PLEC: variants seen among roughly 807,000 people sequenced by gnomAD.
The protein encoded by PLEC is hemidesmosomal protein 1.
Under a neutral mutation model 392.8 loss-of-function variants are expected in PLEC, and 216 were observed. That is an observed-to-expected ratio of 0.55 (90% CI 0.49 to 0.62). The LOEUF (loss-of-function observed/expected upper bound fraction) is 0.62. PLEC is among the 20% of genes least tolerant of loss of function. PLEC has a pLI of 0.00. For synonymous variants in PLEC, 3,621 were observed against 2,980.6 expected (o/e 1.21, Z -7.00); for missense variants, 6,863 against 6,563.4 (o/e 1.05, Z -1.58).
At chr8:143,942,719 C>T (rs1346635428), upstream of PLEC, among the ~76,000 whole-genome samples, 1 of 152,244 alleles carries the variant, frequency 6.6e-6, no homozygotes, top group Non-Finnish European at 1.5e-5. Context: ...CCCAGCGCAG[C>T]CAGGAAGCCG....
upstream of PLEC, chr8:143,942,569 C>G: frequency 2.0e-6 from 3 of 1,492,126 alleles, no homozygotes; most frequent in Non-Finnish European, 2.7e-6. Context: ...GGGAGCTGGA[C>G]CGCGGCGGCG....
upstream of PLEC, chr8:143,958,792 A>C: frequency 6.3e-6 from 2 of 318,490 alleles, no homozygotes; most frequent in Non-Finnish European, 1.3e-5. This position sits in a 1 kb window ranked among gnomAD's most constrained non-coding sequence, Gnocchi z 4.9. Context: ...CAGCCCTCCA[A>C]CACCGAGACA....
rs782415113 is a variant in PLEC, at chr8:143,937,256, C to G, written c.265-14G>C. ...CTTCTCCCGGGGCTGTGGGGAGGCA[C>G]AGTCAGCACCCACAGTGCAGCTGCA... On this transcript the variant is annotated splice_polypyrimidine_tract_variant and intron_variant, in intron 3 of 31. Coordinates refer to ENST00000345136, the MANE Select transcript of PLEC (RefSeq NM_201384.3). 1 of 1,604,106 alleles carries G rather than the reference C, an allele frequency of 6.2e-7. No homozygotes were observed. Among genetic ancestry groups the G allele is most frequent in the Non-Finnish European group, 8.5e-7 (1 of 1,172,268 alleles).
At chr8:143,966,259 T>C (rs1255433168) in intron 1 of PLEC, among the ~76,000 whole-genome samples, 1 of 152,116 alleles carries the variant, frequency 6.6e-6, no homozygotes, top group Non-Finnish European at 1.5e-5. Context: ...GGCTGCCTCT[T>C]CTCATAGGCA....
At chr8:143,942,760 T>C (rs1411076581), upstream of PLEC, among the ~76,000 whole-genome samples, 1 of 152,206 alleles carries the variant, frequency 6.6e-6, no homozygotes, top group African/African-American at 2.4e-5. Context: ...GCTGGGAGGC[T>C]GCCCTGGGAC....
At position 143,927,860 on chromosome 8, in the gene PLEC, A is replaced by G. The variant is rs1554708786; in HGVS notation, c.3393T>C (p.Ser1131=). The change falls in exon 26 of 32, where the codon TCT becomes TCC. Residue 1131 remains serine, a synonymous_variant. Coordinates refer to ENST00000345136, the MANE Select transcript of PLEC (RefSeq NM_201384.3). ...TLPELEATKA[S]LKKLRAQAEA... ...CCAAGCCTCGAAACGATACCTTCAG[A>G]GAGGCCTTGGTGGCCTCGAGCTCCG... 6.3e-7 allele frequency: 1 copy of G among 1,591,454 alleles called. No individual in the cohort carries two copies. Among genetic ancestry groups the G allele is most frequent in the Admixed American group, 1.8e-5 (1 of 56,338 alleles).
In PLEC at chr8:143,923,989, C is replaced by T. The variant is rs782217935; in HGVS notation, c.5940G>A (p.Glu1980=). ...ARQRQLAAEE[E]RRRREAEERV... Reference sequence around the variant, plus strand: ...GCTCCTCAGCCTCACGGCGCCGCCGCTCCTCCTCCGCCGCCAGCTGCCGCT... The same window carrying T: ...GCTCCTCAGCCTCACGGCGCCGCCGTTCCTCCTCCGCCGCCAGCTGCCGCT... The change falls in exon 31 of 32, where the codon GAG becomes GAA. Residue 1980 remains glutamate, a synonymous_variant. Transcript: ENST00000345136. 1 of 1,585,662 alleles carries T rather than the reference C, an allele frequency of 6.3e-7. No individual in the cohort carries two copies. The highest frequency in any genetic ancestry group is 8.5e-7 in the Non-Finnish European group (1 of 1,171,830).
chr8:143,942,431 C>G, upstream of PLEC: 1 of 1,604,752 alleles, frequency 6.2e-7, no homozygotes, highest in East Asian at 2.2e-5. Flanking sequence ...CCCCTGCGGG[C>G]CGGCTCGCAG....
In PLEC at chr8:143,922,118, C is replaced by T. The variant is rs552039931; in HGVS notation, c.7703G>A (p.Arg2568His). Reference protein sequence around the residue: ...RQHEAEEGVRRKQEELQQLEQ... With the variant: ...RQHEAEEGVRHKQEELQQLEQ... ...CAGCTGCTGCAGCTCCTCCTGCTTG[C>T]GCCGCACGCCCTCCTCGGCCTCATG... The change falls in exon 32 of 32, where the codon CGC (arginine) becomes CAC (histidine). Residue 2568 changes from arginine (R) to histidine (H), a missense_variant. Physicochemically the swap from Arg to His is conservative, Grantham distance 29 (BLOSUM62 0). Transcript: ENST00000345136. 1.5e-4 allele frequency: 237 copies of T among 1,546,246 alleles called. No individual in the cohort carries two copies. Among genetic ancestry groups the T allele is most frequent in the Non-Finnish European group, 1.6e-4 (185 of 1,152,290 alleles).
At position 143,926,973 on chromosome 8, in the gene PLEC, C is replaced by T. The variant is rs1443632528; in HGVS notation, c.3945+4G>A. On this transcript the variant is annotated splice_donor_region_variant and intron_variant, in intron 29 of 31. Transcript: ENST00000345136. ...TCACCCAGTTAGGTTCGGCCCCACC[C>T]TACCTCCTGGATGACACTCTCTGAT... The T allele has an allele frequency of 1.2e-6, 2 of 1,612,254 alleles. No individual in the cohort carries two copies. Among genetic ancestry groups the T allele is most frequent in the East Asian group, 2.2e-5 (1 of 44,894 alleles).
intron 1 of PLEC, among the ~76,000 whole-genome samples, chr8:143,972,141 C>G (rs1433786809): frequency 2.6e-5 from 4 of 152,218 alleles, no homozygotes; most frequent in Non-Finnish European, 4.4e-5. Flanking sequence ...ACAGAGTGGT[C>G]AGCTCAGAAA....
chr8:143,950,590 A>G, exon 1 of PLEC: 3 of 1,608,044 alleles, frequency 1.9e-6, no homozygotes, highest in Non-Finnish European at 2.5e-6. Flanking sequence ...CGCCGGGCAC[A>G]TGGGGGTGCA....
At chr8:143,926,052 C>T (rs1199886587) in intron 30 of PLEC, among the ~76,000 whole-genome samples, 168 bp from the exon 31 acceptor site, 3 of 152,262 alleles carry the variant, frequency 2.0e-5, no homozygotes, top group South Asian at 2.1e-4. Context: ...CCAGGGCGCT[C>T]GGGCAGCGAT....
At position 143,927,653 on chromosome 8, in the gene PLEC, G is replaced by A. The variant is rs377035218; in HGVS notation, c.3513C>T (p.Asp1171=). 54 of 1,583,534 alleles carry A rather than the reference G, an allele frequency of 3.4e-5. No individual in the cohort carries two copies. The highest frequency in any genetic ancestry group is 2.7e-4 in the Admixed American group (16 of 58,428). ...ERLQQRHGER[D]VEVERWRERV... ...GCTCCCGCCAGCGCTCCACCTCCAC[G>A]TCCCGCTCCCCGTGCCGCTGCTGCA... is the stretch of plus-strand genomic sequence containing the variant. Residue 1171 remains aspartate, a synonymous_variant, in exon 27 of 32, where the codon GAC becomes GAT. Coordinates refer to ENST00000345136, the MANE Select transcript of PLEC (RefSeq NM_201384.3).
At chr8:143,962,942 G>A (rs1208067266) in intron 1 of PLEC, among the ~76,000 whole-genome samples, 3 of 152,348 alleles carry the variant, frequency 2.0e-5, no homozygotes, top group East Asian at 3.9e-4. Flanking sequence ...AGATGCTCAT[G>A]TTGGGAGGTT....
chr8:143,920,137 C>T lies in PLEC; in HGVS notation c.9684G>A (p.Leu3228=), dbSNP rs1554680711. 2 of 1,612,864 alleles carry T rather than the reference C, an allele frequency of 1.2e-6. No homozygotes were observed. Among genetic ancestry groups the T allele is most frequent in the Non-Finnish European group, 1.7e-6 (2 of 1,180,048 alleles). The change falls in exon 32 of 32, where the codon CTG becomes CTA. Residue 3228 remains leucine (L), a synonymous_variant. Transcript: ENST00000345136. Reference sequence around the variant, plus strand: ...TCTTTTCAAAGGTCTCACGGGCCTGCAGCTCTGAGTAGAGCTCCTCCTGCC... The same window carrying T: ...TCTTTTCAAAGGTCTCACGGGCCTGTAGCTCTGAGTAGAGCTCCTCCTGCC... The part of the protein sequence containing the change: ...RARQEELYSE[L]QARETFEKTP...
chr8:143,946,301 C>G (rs1430809022), intron 1 of PLEC: 2 of 1,257,112 alleles, frequency 1.6e-6, no homozygotes, highest in South Asian at 2.5e-5. Context: ...CAGAGGCGGC[C>G]CCGGCCCTCT....
rs782492397 is a variant in PLEC, at chr8:143,918,004, G to A, written c.11817C>T (p.Phe3939=). Residue 3939 remains phenylalanine (F), a synonymous_variant, in exon 32 of 32, where the codon TTC becomes TTT. Coordinates refer to ENST00000345136, the MANE Select transcript of PLEC (RefSeq NM_201384.3). The part of the protein sequence containing the change: ...LEGTSCIAGV[F]VDATKERLSV... ...AGAGCCGTTCCTTGGTGGCGTCCAC[G>A]AAGACACCAGCGATGCAGCTGGTGC... 13 of 1,612,000 alleles carry A rather than the reference G, an allele frequency of 8.1e-6. No individual in the cohort carries two copies. The highest frequency in any genetic ancestry group is 4.5e-5 in the East Asian group (2 of 44,840).
At chr8:143,942,532 G>T, upstream of PLEC, 1 of 1,553,232 alleles carries the variant, frequency 6.4e-7, no homozygotes, top group African/African-American at 1.4e-5. Flanking sequence ...CACGGCCGGA[G>T]CCCTGGTTCG....
Sources: allele counts gnomAD v4.1 joint callset (sites outside exome capture counted in the v4.1 genomes callset), GRCh38; gene constraint gnomAD v4.1.1; non-coding constraint Gnocchi (gnomAD v3.1); transcripts MANE v1.5; gene names NCBI Gene and HGNC (gene_info 2026-07-23, HGNC 2026-07-21).